MCCC2: variants seen among roughly 807,000 people sequenced by gnomAD.
The protein encoded by MCCC2 is methylcrotonyl-CoA carboxylase subunit 2.
In MCCC2, 52 loss-of-function variants were observed where a neutral mutation model predicts 77.2. The observed-to-expected ratio is 0.67, with a 90% CI of 0.54 to 0.85. The LOEUF is 0.85. Ranked by LOEUF, MCCC2 falls within the 40% of genes least tolerant of loss-of-function variation. MCCC2 has a pLI of 0.00. For synonymous variants in MCCC2, 253 were observed against 248.4 expected, an observed-to-expected ratio of 1.02 and a Z score of -0.18; for missense variants, 682 against 703.2, an observed-to-expected ratio of 0.97 and a Z score of 0.34.
chr5:71,621,231 G>T, intron 6 of MCCC2, among the ~76,000 whole-genome samples: 1 of 152,150 alleles, frequency 6.6e-6, no homozygotes, highest in Admixed American at 6.5e-5. Flanking sequence ...ATACAGCTGG[G>T]CACGGTGGCT....
intron 8 of MCCC2, 119 bp from the exon 9 acceptor site, chr5:71,634,816 AAATTTTTT>A: frequency 1.2e-6 from 1 of 816,782 alleles, no homozygotes; most frequent in Non-Finnish European, 2.0e-6. Context: ...TAAAGATGAC[AAATTTTTT>A]AAGTGTTTTA....
chr5:71,606,836 T>C (rs1454979097), intron 6 of MCCC2, among the ~76,000 whole-genome samples: 2 of 143,260 alleles, frequency 1.4e-5, no homozygotes, highest in African/African-American at 5.4e-5. Context: ...GAGATAATCA[T>C]GTGGTTTTTG....
At chr5:71,619,496 A>C (rs1746290988) in intron 6 of MCCC2, among the ~76,000 whole-genome samples, 2 of 152,086 alleles carry the variant, frequency 1.3e-5, no homozygotes. Flanking sequence ...GGCTCAGGGA[A>C]TCTTTCTGCC....
At position 71,634,956 on chromosome 5, in the gene MCCC2, A is replaced by G. The variant is rs1746866222; in HGVS notation, c.817A>G (p.Ser273Gly). The change falls in exon 9 of 17, where the codon AGT becomes GGT. Residue 273 changes from serine (S) to glycine (G), a missense_variant. Physicochemically the swap from Ser to Gly is moderately conservative, Grantham distance 56 (BLOSUM62 0). Transcript: ENST00000340941. ...ADLHCRKSGVSDHWALDDHHA... is the reference protein window; with the variant it reads ...ADLHCRKSGVGDHWALDDHHA... ...CTTATTCTGTAGAAAGTCTGGAGTA[A>G]GTGACCACTGGGCTTTGGATGATCA... is the stretch of plus-strand genomic sequence containing the variant. 1.2e-6 allele frequency: 2 copies of G among 1,613,992 alleles called. No individual in the cohort carries two copies. Among genetic ancestry groups the G allele is most frequent in the African/African-American group, 1.3e-5 (1 of 74,932 alleles).
chr5:71,598,026 A>C (rs908293271), intron 3 of MCCC2, among the ~76,000 whole-genome samples: 7 of 150,118 alleles, frequency 4.7e-5, no homozygotes, highest in Non-Finnish European at 8.9e-5. Context: ...TCACAATAAG[A>C]TCCACCTCAG....
intron 7 of MCCC2, among the ~76,000 whole-genome samples, chr5:71,627,864 G>A (rs1746584483): frequency 6.6e-6 from 1 of 151,454 alleles, no homozygotes; most frequent in East Asian, 1.9e-4. Context: ...TTTTTATTGA[G>A]GCAGAGTCTC....
chr5:71,602,403 C>T (rs1745472761), intron 4 of MCCC2, 103 bp from the exon 5 acceptor site: 25 of 1,409,772 alleles, frequency 1.8e-5, no homozygotes, highest in Non-Finnish European at 2.3e-5. Context: ...AATAGTGATA[C>T]GTACTAGAAG....
At chr5:71,598,535 A>AT (rs1745283972) in intron 3 of MCCC2, among the ~76,000 whole-genome samples, 1 of 140,462 alleles carries the variant, frequency 7.1e-6, no homozygotes, top group African/African-American at 2.7e-5. Flanking sequence ...TGCCTTCCGG[A>AT]TTCAGGTGAT....
chr5:71,634,803 T>C, intron 8 of MCCC2, 140 bp from the exon 9 acceptor site: 1 of 738,906 alleles, frequency 1.4e-6, no homozygotes, highest in Non-Finnish European at 2.3e-6. Flanking sequence ...AGATGACATT[T>C]ATTAAAGATG....
rs114527907 is a variant in MCCC2, at chr5:71,656,746, A to G, written c.1578A>G (p.Val526=). The change falls in exon 17 of 17, where the codon GTA becomes GTG. Residue 526 remains valine, a synonymous_variant. Transcript: ENST00000340941. ...TCTTTTTTTGTTCTTTTGTCAGGGT[A>G]TGGGATGATGGGATCATTGATCCAG... is the stretch of plus-strand genomic sequence containing the variant. ...EGNPYYSSAR[V]WDDGIIDPAD... 1.7e-3 allele frequency: 2,814 copies of G among 1,612,588 alleles called. 48 individuals carry two copies. The African/African-American group carries it at 0.034, about 19-fold the overall frequency.
In MCCC2 at chr5:71,657,211, T is replaced by A. The variant is rs1747604718; in HGVS notation, c.*351T>A. 1 of 237,204 alleles carries A rather than the reference T, an allele frequency of 4.2e-6. No individual in the cohort carries two copies. Among genetic ancestry groups the A allele is most frequent in the East Asian group, 1.1e-4 (1 of 9,032 alleles). The allele number at this position is 237,204 out of a possible 1,614,324, so 14.7% of individuals were successfully genotyped here. A position where few individuals can be genotyped will look rare whatever the true frequency, so the allele number is the denominator to read the frequency against. On this transcript the variant is annotated 3_prime_UTR_variant, in exon 17 of 17. Transcript: ENST00000340941. ...GATTAATATAAAGTTGTATTTTCAC[T>A]GAAATGATTGTTTTGCTGGTTATGC... is the stretch of plus-strand genomic sequence containing the variant.
At chr5:71,650,721 T>C (rs1269168133) in intron 15 of MCCC2, among the ~76,000 whole-genome samples, 1 of 152,208 alleles carries the variant, frequency 6.6e-6, no homozygotes, top group Non-Finnish European at 1.5e-5. Flanking sequence ...CGATCTCGGC[T>C]CACTGCAAGC....
chr5:71,609,833 G>C (rs910412995), intron 6 of MCCC2, among the ~76,000 whole-genome samples: 4 of 152,088 alleles, frequency 2.6e-5, no homozygotes, highest in African/African-American at 9.7e-5. Flanking sequence ...TGCCGTGTGA[G>C]ATGTCAGTGT....
At chr5:71,596,388 C>T (rs777013763) in intron 3 of MCCC2, 24 bp downstream of exon 3, 1 of 1,573,478 alleles carries the variant, frequency 6.4e-7, no homozygotes, top group South Asian at 1.1e-5. Flanking sequence ...CAAGTACTGA[C>T]TCAGAGTGTT....
intron 14 of MCCC2, among the ~76,000 whole-genome samples, chr5:71,649,556 T>C (rs1406368423): frequency 6.6e-6 from 1 of 152,210 alleles, no homozygotes; most frequent in East Asian, 1.9e-4. Flanking sequence ...TAAAGGCATA[T>C]ACGGGAAAAG....
chr5:71,635,030 G>C lies in MCCC2; in HGVS notation c.891G>C (p.Gln297His). The part of the protein sequence containing the change: ...TRKVVRNLNY[Q>H]KKLDVTIEPS... ...AGGTTGTGAGGAATCTAAATTATCA[G>C]AAGAAATTGGATGTGAGTACGATAT... The change falls in exon 9 of 17, where the codon CAG becomes CAC. Residue 297 changes from glutamine (Q) to histidine (H), a missense_variant. Gln to His is a conservative substitution (Grantham distance 24). Transcript: ENST00000340941. 1.2e-6 allele frequency: 2 copies of C among 1,614,100 alleles called. No homozygotes were observed. Among genetic ancestry groups the C allele is most frequent in the Non-Finnish European group, 1.7e-6 (2 of 1,179,996 alleles).
intron 2 of MCCC2, among the ~76,000 whole-genome samples, chr5:71,594,537 A>AAG: frequency 6.6e-6 from 1 of 151,218 alleles, no homozygotes; most frequent in East Asian, 1.9e-4. Context: ...CAAAAAAAAA[A>AAG]AAAAAAGAGG....
At chr5:71,596,243 G>T in intron 2 of MCCC2, 37 bp from the exon 3 acceptor site, 1 of 1,570,760 alleles carries the variant, frequency 6.4e-7, no homozygotes, top group East Asian at 2.2e-5. Context: ...TTTTTATCGT[G>T]TCAATCTAAT....
rs528831563 is a variant in MCCC2 at position 71,650,221 on chromosome 5, C to T, written c.1488+38C>T. On this transcript the variant is annotated intron_variant, in intron 15 of 16. Transcript: ENST00000340941. Reference sequence around the variant, plus strand: ...TTCTCTTGTTTCTCTCTGGTTTTGCCTCTCACCATAAACACCCTGGAGCCA... The same window carrying T: ...TTCTCTTGTTTCTCTCTGGTTTTGCTTCTCACCATAAACACCCTGGAGCCA... The T allele has an allele frequency of 2.5e-6, 4 of 1,583,904 alleles. No individual in the cohort carries two copies. In the South Asian group the frequency reaches 4.4e-5, roughly 18 times the overall value.
Sources: gnomAD v4.1 joint callset for allele counts (sites outside exome capture counted in the v4.1 genomes callset) on GRCh38, gnomAD v4.1.1 for gene constraint, MANE v1.5 for transcripts, NCBI Gene and HGNC (gene_info 2026-07-23, HGNC 2026-07-21) for gene names.